Variants in ELAVL2 observed in about 807,000 individuals in gnomAD.
ELAVL2 encodes ELAV like RNA binding protein 2.
Under a neutral mutation model 34.6 loss-of-function variants are expected in ELAVL2, and 4 were observed. The observed-to-expected ratio is 0.12, with a 90% CI of 0.06 to 0.26. The LOEUF is 0.26. Among genes scored for constraint, ELAVL2 ranks in the 10% least tolerant of loss-of-function variants. The pLI is 1.00. For missense variants in ELAVL2, 432 were observed against 442.8 expected, an observed-to-expected ratio of 0.98 and a Z score of 0.22; for synonymous variants, 193 against 154.8, an observed-to-expected ratio of 1.25 and a Z score of -1.83.
chr9:23,763,560 A>C (rs2055544246), intron 1 of ELAVL2, among the ~76,000 whole-genome samples: 2 of 152,282 alleles, frequency 1.3e-5, no homozygotes, highest in South Asian at 4.1e-4. Flanking sequence ...ACTTGAGGCA[A>C]AGAAAAAAAG....
chr9:23,840,777 T>G, the ELAVL2 span, among the ~76,000 whole-genome samples: 2 of 152,182 alleles, frequency 1.3e-5, no homozygotes, highest in Non-Finnish European at 2.9e-5. Flanking sequence ...TTCTATTTAA[T>G]AAACATAGGC....
chr9:23,745,711 A>C (rs1018666989), intron 2 of ELAVL2, among the ~76,000 whole-genome samples: 1 of 152,206 alleles, frequency 6.6e-6, no homozygotes, highest in Non-Finnish European at 1.5e-5. Flanking sequence ...TGGAAACCAA[A>C]AGCGTTAACT....
chr9:23,695,378 G>A (rs1234762028), intron 5 of ELAVL2, among the ~76,000 whole-genome samples: 5 of 152,102 alleles, frequency 3.3e-5, no homozygotes, highest in Non-Finnish European at 5.9e-5. Flanking sequence ...TTGCATCCAT[G>A]TAGGGACAGG....
chr9:23,847,929 G>C, the ELAVL2 span, among the ~76,000 whole-genome samples: 1 of 151,720 alleles, frequency 6.6e-6, no homozygotes, highest in Non-Finnish European at 1.5e-5. Flanking sequence ...TCAGTGTTTA[G>C]GTAAAAACTA....
At chr9:23,709,994 G>GA (rs1480348639) in intron 3 of ELAVL2, among the ~76,000 whole-genome samples, 1 of 152,044 alleles carries the variant, frequency 6.6e-6, no homozygotes, top group Non-Finnish European at 1.5e-5. Context: ...GCAATACTGA[G>GA]ATTATATGAG....
At chr9:23,795,342 G>C (rs182638403) in intron 1 of ELAVL2, among the ~76,000 whole-genome samples, 1 of 152,066 alleles carries the variant, frequency 6.6e-6, no homozygotes, top group African/African-American at 2.4e-5. Context: ...TCAGGAGTTC[G>C]AGAACAGCGT....
At chr9:23,708,184 A>C (rs1220407924) in intron 3 of ELAVL2, among the ~76,000 whole-genome samples, 4 of 152,118 alleles carry the variant, frequency 2.6e-5, no homozygotes, top group Admixed American at 6.5e-5. Flanking sequence ...TTCCACTACC[A>C]CAGGCAGGAC....
At chr9:23,786,592 C>G (rs2059706151) in intron 1 of ELAVL2, among the ~76,000 whole-genome samples, 1 of 151,340 alleles carries the variant, frequency 6.6e-6, no homozygotes, top group Non-Finnish European at 1.5e-5. Flanking sequence ...TTGATCTGCC[C>G]TTTATTACTG....
At chr9:23,818,012 C>A (rs188493570) in intron 1 of ELAVL2, among the ~76,000 whole-genome samples, 1 of 152,138 alleles carries the variant, frequency 6.6e-6, no homozygotes. Flanking sequence ...TCTAGTATCT[C>A]GAACCAAATA....
chr9:23,783,771 G>A (rs2059358908), intron 1 of ELAVL2, among the ~76,000 whole-genome samples: 1 of 151,944 alleles, frequency 6.6e-6, no homozygotes, highest in Non-Finnish European at 1.5e-5. Context: ...GAGAAGGAGA[G>A]ATTGTATCTG....
At chr9:23,734,345 A>G (rs1259069071) in intron 2 of ELAVL2, among the ~76,000 whole-genome samples, 1 of 152,194 alleles carries the variant, frequency 6.6e-6, no homozygotes, top group Non-Finnish European at 1.5e-5. Context: ...GTAGCTTCAC[A>G]TTAACCATGT....
intron 4 of ELAVL2, among the ~76,000 whole-genome samples, chr9:23,702,974 A>AAAAAAAAAAAAAAAAAAAC (rs1554663987): frequency 2.2e-5 from 3 of 139,388 alleles, no homozygotes; most frequent in Non-Finnish European, 3.0e-5. Context: ...AAAAAAAAAA[A>AAAAAAAAAAAAAAAAAAAC]AAAAAAACAG....
intron 1 of ELAVL2, among the ~76,000 whole-genome samples, chr9:23,795,099 A>AT (rs1564498204): frequency 6.6e-6 from 1 of 152,096 alleles, no homozygotes; most frequent in African/African-American, 2.4e-5. Flanking sequence ...TAAAAAACAC[A>AT]TTTCTAAGCA....
At chr9:23,804,868 G>T (rs2062019313) in intron 1 of ELAVL2, among the ~76,000 whole-genome samples, 1 of 152,186 alleles carries the variant, frequency 6.6e-6, no homozygotes, top group Non-Finnish European at 1.5e-5. Context: ...CATCAGTTCT[G>T]AATGTATATG....
At chr9:23,718,687 C>T (rs2042922849) in intron 3 of ELAVL2, among the ~76,000 whole-genome samples, 1 of 152,144 alleles carries the variant, frequency 6.6e-6, no homozygotes, top group Admixed American at 6.5e-5. Context: ...ATAAGTTATG[C>T]AACTATGAAA....
chr9:23,834,816 A>G, the ELAVL2 span, among the ~76,000 whole-genome samples: 771 of 152,188 alleles, frequency 5.1e-3, 6 homozygotes, highest in Non-Finnish European at 8.3e-3. Context: ...ATACAATTTC[A>G]TGATTCACCC....
rs917141776 is a variant in ELAVL2 at position 23,690,437 on chromosome 9, T to G, written c.*2120A>C. The G allele has an allele frequency of 6.6e-6, 1 of 152,520 alleles. No homozygotes were observed. The highest frequency in any genetic ancestry group is 1.5e-5 in the Non-Finnish European group (1 of 67,998). 9.4% of individuals were successfully genotyped at this position (152,520 alleles called of 1,614,324 possible). On this transcript the variant is annotated 3_prime_UTR_variant, in exon 7 of 7. Transcript: ENST00000397312. ...TTTTTAAGTATATACATGTATTTTATTTTTTAGTGTTTTTCTTTTTTTAAA... is the reference window on the plus strand; with the variant it reads ...TTTTTAAGTATATACATGTATTTTAGTTTTTAGTGTTTTTCTTTTTTTAAA...
chr9:23,847,383 T>G, the ELAVL2 span: 1 of 152,088 alleles, frequency 6.6e-6, no homozygotes, highest in Admixed American at 6.5e-5. Flanking sequence ...TTTTCTCTTT[T>G]ATGCATGAAT....
chr9:23,759,754 T>TATATATATA (rs1554719969), intron 2 of ELAVL2, among the ~76,000 whole-genome samples: 2 of 81,352 alleles, frequency 2.5e-5, no homozygotes, highest in African/African-American at 4.3e-5. Flanking sequence ...ATATATAGTA[T>TATATATATA]TATATATATA....
Sources: gnomAD v4.1 joint callset for allele counts (sites outside exome capture counted in the v4.1 genomes callset) on GRCh38, gnomAD v4.1.1 for gene constraint, MANE v1.5 for transcripts, NCBI Gene and HGNC (gene_info 2026-07-23, HGNC 2026-07-21) for gene names.